Variants in TRIM2 observed in about 807,000 individuals in gnomAD.
The protein encoded by TRIM2 is tripartite motif-containing protein 2.
In TRIM2, 20 loss-of-function variants were observed where a neutral mutation model predicts 75.2. That is an observed-to-expected ratio of 0.27 (90% CI 0.19 to 0.39). The LOEUF (loss-of-function observed/expected upper bound fraction) is 0.39. Among genes scored for constraint, TRIM2 ranks in the 10% least tolerant of loss-of-function variants. TRIM2 has a pLI of 1.00. For synonymous variants in TRIM2, 373 were observed against 388.3 expected, an observed-to-expected ratio of 0.96 and a Z score of 0.46; for missense variants, 660 against 990.8, an observed-to-expected ratio of 0.67 and a Z score of 4.48.
chr4:153,175,685 T>C (rs1328173514), intron 1 of TRIM2, among the ~76,000 whole-genome samples: 1 of 152,190 alleles, frequency 6.6e-6, no homozygotes, highest in Non-Finnish European at 1.5e-5. Context: ...TACAAAATAC[T>C]CTCTTAAAAA....
intron 2 of TRIM2, among the ~76,000 whole-genome samples, chr4:153,274,438 A>G (rs1248904862): frequency 1.3e-5 from 2 of 152,168 alleles, no homozygotes; most frequent in Non-Finnish European, 2.9e-5. Context: ...ATGGGAGAGG[A>G]TACAGTCTGG....
chr4:153,324,793 G>T (rs961107993), intron 10 of TRIM2, among the ~76,000 whole-genome samples: 1 of 152,142 alleles, frequency 6.6e-6, no homozygotes, highest in Non-Finnish European at 1.5e-5. Flanking sequence ...CCTAGATCAG[G>T]CTTCTCAAGG....
intron 1 of TRIM2, among the ~76,000 whole-genome samples, chr4:153,228,132 G>C (rs914646661): frequency 5.3e-5 from 8 of 152,194 alleles, no homozygotes; most frequent in African/African-American, 1.9e-4. Context: ...ACCCAAATGG[G>C]CTGAAGGCCA....
chr4:153,182,220 C>G (rs1044345097), intron 1 of TRIM2, among the ~76,000 whole-genome samples: 5 of 152,160 alleles, frequency 3.3e-5, no homozygotes, highest in African/African-American at 4.8e-5. Flanking sequence ...GGAGGGGCAC[C>G]TCCTAAGGCT....
At chr4:153,304,147 T>G (rs981547549) in intron 6 of TRIM2, among the ~76,000 whole-genome samples, 1 of 152,136 alleles carries the variant, frequency 6.6e-6, no homozygotes, top group Non-Finnish European at 1.5e-5. Context: ...AGTGTCTTGC[T>G]CTGTTGCCCA....
intron 1 of TRIM2, among the ~76,000 whole-genome samples, chr4:153,223,527 G>A (rs1435475378): frequency 6.6e-6 from 1 of 152,176 alleles, no homozygotes; most frequent in East Asian, 1.9e-4. Flanking sequence ...GCAGGGAGAT[G>A]GTGACTTTTG....
At chr4:153,275,000 A>G (rs571999884) in intron 2 of TRIM2, among the ~76,000 whole-genome samples, 5 of 152,290 alleles carry the variant, frequency 3.3e-5, no homozygotes, top group Non-Finnish European at 7.4e-5. Flanking sequence ...GTGTGTTTTG[A>G]ATTGTTTGGC....
chr4:153,155,919 GC>G (rs1022969299), intron 1 of TRIM2, among the ~76,000 whole-genome samples: 3 of 152,206 alleles, frequency 2.0e-5, no homozygotes, highest in Non-Finnish European at 4.4e-5. Context: ...TCCAAGGAGG[GC>G]CAGGACCTGC....
At chr4:153,208,926 G>A (rs149182013) in intron 1 of TRIM2, among the ~76,000 whole-genome samples, 7 of 152,280 alleles carry the variant, frequency 4.6e-5, no homozygotes, top group Middle Eastern at 3.4e-3. Flanking sequence ...GCAGTGGGTG[G>A]GTACTGAGAA....
chr4:153,336,201 C>A lies in TRIM2; in HGVS notation c.*1235C>A. The stretch of plus-strand genomic sequence containing the variant: ...TAGGCAGCACTCTGAAAGACAGAAG[C>A]TTCGTCCAGCCACTCTTCAGCACAT... On this transcript the variant is annotated 3_prime_UTR_variant, in exon 12 of 12. Coordinates refer to ENST00000338700, the MANE Select transcript of TRIM2 (RefSeq NM_015271.5). 1 of 985,258 alleles carries A rather than the reference C, an allele frequency of 1.0e-6. No homozygotes were observed. The highest frequency in any genetic ancestry group is 1.2e-6 in the Non-Finnish European group (1 of 829,868). 61.0% of individuals were successfully genotyped at this position (985,258 alleles called of 1,614,324 possible).
chr4:153,199,973 A>T (rs1734163572), upstream of TRIM2, among the ~76,000 whole-genome samples: 1 of 125,468 alleles, frequency 8.0e-6, no homozygotes, highest in East Asian at 2.2e-4. Context: ...ATGGAGTCTC[A>T]CTCTGTCGCC....
At chr4:153,202,698 C>CAAA (rs748719135), upstream of TRIM2, among the ~76,000 whole-genome samples, 4 of 77,968 alleles carry the variant, frequency 5.1e-5, no homozygotes, top group East Asian at 4.4e-4. Flanking sequence ...GACTCTGTCT[C>CAAA]AAAAAAAAAA....
chr4:153,169,125 AG>A, intron 1 of TRIM2, among the ~76,000 whole-genome samples: 1 of 152,236 alleles, frequency 6.6e-6, no homozygotes, highest in Non-Finnish European at 1.5e-5. Flanking sequence ...GATTCTTCTC[AG>A]CTCTAACCTA....
In TRIM2 at chr4:153,338,232, A is replaced by C; in HGVS notation, c.*3266A>C. ...GAATCCTTAGCACTGACGGGTTAAC[A>C]GAAATGCTTTGGTAATACCTACTTA... On this transcript the variant is annotated 3_prime_UTR_variant, in exon 12 of 12. Coordinates refer to ENST00000338700, the MANE Select transcript of TRIM2 (RefSeq NM_015271.5). The C allele has an allele frequency of 6.1e-6, 6 of 985,918 alleles. No homozygotes were observed. The highest frequency in any genetic ancestry group is 7.2e-6 in the Non-Finnish European group (6 of 829,954). The allele number at this position is 985,918 out of a possible 1,614,324, so 61.1% of individuals were successfully genotyped here. A position where few individuals can be genotyped will look rare whatever the true frequency, so the allele number is the denominator to read the frequency against.
At chr4:153,317,764 A>G (rs1468226566) in intron 8 of TRIM2, among the ~76,000 whole-genome samples, 1 of 152,044 alleles carries the variant, frequency 6.6e-6, no homozygotes, top group Non-Finnish European at 1.5e-5. Context: ...GGAGTTCAAG[A>G]CCAGCCTGGG....
intron 6 of TRIM2, among the ~76,000 whole-genome samples, chr4:153,310,930 G>A (rs1766146797): frequency 6.6e-6 from 1 of 152,188 alleles, no homozygotes. Flanking sequence ...AAGAATAAGA[G>A]CTGGGCCAAC....
intron 1 of TRIM2, among the ~76,000 whole-genome samples, chr4:153,172,440 G>T (rs539940086): frequency 6.6e-6 from 1 of 152,260 alleles, no homozygotes; most frequent in South Asian, 2.1e-4. Flanking sequence ...GCCCGCCTTG[G>T]CCTCCCAAAG....
intron 6 of TRIM2, 94 bp from the exon 7 acceptor site, chr4:153,315,391 C>T: frequency 3.0e-6 from 3 of 1,008,480 alleles, no homozygotes; most frequent in Middle Eastern, 5.5e-4. Context: ...AATGCATTCT[C>T]AGGTACCTGT....
chr4:153,317,889 G>T (rs1768044172), intron 8 of TRIM2, among the ~76,000 whole-genome samples: 1 of 151,932 alleles, frequency 6.6e-6, no homozygotes, highest in African/African-American at 2.4e-5. Context: ...GAGCCCAGAA[G>T]TTAGAGGCTG....
Sources: allele counts gnomAD v4.1 joint callset (sites outside exome capture counted in the v4.1 genomes callset), GRCh38; gene constraint gnomAD v4.1.1; transcripts MANE v1.5; gene names NCBI Gene and HGNC (gene_info 2026-07-23, HGNC 2026-07-21).